Variants in CTNNA2 observed in about 807,000 individuals in gnomAD.
The protein encoded by CTNNA2 is catenin alpha 2.
In CTNNA2, 42 loss-of-function variants were observed where a neutral mutation model predicts 101.0. The observed-to-expected ratio is 0.42, with a 90% CI of 0.32 to 0.54. The LOEUF (loss-of-function observed/expected upper bound fraction) is 0.54. CTNNA2 is among the 20% of genes least tolerant of loss of function. The pLI is 0.14. For missense variants in CTNNA2, 871 were observed against 1,223.1 expected (o/e 0.71, Z 4.29); for synonymous variants, 450 against 456.4 (o/e 0.99, Z 0.18).
intron 1 of CTNNA2, chr2:79,636,949 A>G (rs1050285494): frequency 1.3e-5 from 2 of 152,120 alleles, no homozygotes; most frequent in African/African-American, 4.8e-5. Flanking sequence ...TTTAGTATAT[A>G]AGCTGGGAAA....
At chr2:79,378,566 G>T (rs1678004354) in intron 4 of CTNNA2, among the ~76,000 whole-genome samples, 1 of 152,062 alleles carries the variant, frequency 6.6e-6, no homozygotes, top group Admixed American at 6.6e-5. Context: ...TCCTTCAAAT[G>T]TCATTTGTCG....
intron 4 of CTNNA2, among the ~76,000 whole-genome samples, chr2:79,427,126 G>T (rs1451218447): frequency 6.6e-6 from 1 of 151,932 alleles, no homozygotes; most frequent in Admixed American, 6.6e-5. Context: ...AGGACAGGTT[G>T]CAATAACACC....
At chr2:79,829,103 A>T (rs1007585995) in intron 3 of CTNNA2, among the ~76,000 whole-genome samples, 9 of 152,152 alleles carry the variant, frequency 5.9e-5, no homozygotes, top group African/African-American at 2.2e-4. Context: ...AACAGTTGAG[A>T]TCTGACCACT....
At chr2:80,216,042 G>T (rs1708245777) in intron 7 of CTNNA2, among the ~76,000 whole-genome samples, 1 of 152,180 alleles carries the variant, frequency 6.6e-6, no homozygotes, top group Admixed American at 6.5e-5. Context: ...AGGCTCCATG[G>T]GCATGGGACC....
chr2:79,550,776 A>G (rs1274702209), intron 1 of CTNNA2, among the ~76,000 whole-genome samples: 1 of 152,188 alleles, frequency 6.6e-6, no homozygotes, highest in African/African-American at 2.4e-5. Flanking sequence ...TTTAGACCTT[A>G]CAACGTGAAT....
At chr2:79,244,858 G>A (rs1674679327) in intron 2 of CTNNA2, among the ~76,000 whole-genome samples, 2 of 152,204 alleles carry the variant, frequency 1.3e-5, no homozygotes, top group African/African-American at 4.8e-5. Context: ...ACTTTGGGAG[G>A]CTGAGGCGGG....
Position 79,345,770 on chromosome 2 carries a change from GCAAC to G in CTNNA2, c.-317-28059_-317-28056del, listed in dbSNP as rs1469759004. 2.6e-5 allele frequency among the ~76,000 whole-genome samples: 4 copies of G among 152,072 alleles called. No individual in the cohort carries two copies. The East Asian group carries it at 7.7e-4, about 29-fold the overall frequency. ...TGTAGTGGCACAGTTTCGACTCACT[GCAAC>G]CTCCGCCTCCAAGGTTCAAGCAATT... On this transcript the variant is annotated intron_variant, in intron 3 of 21. Coordinates refer to the CTNNA2 transcript ENST00000466387.
intron 6 of CTNNA2, among the ~76,000 whole-genome samples, chr2:79,896,028 A>G (rs1447271600): frequency 1.3e-5 from 2 of 152,026 alleles, no homozygotes; most frequent in Non-Finnish European, 2.9e-5. Context: ...CATGCCCATA[A>G]TCCCAGCACT....
intron 4 of CTNNA2, among the ~76,000 whole-genome samples, chr2:79,412,105 A>G (rs1678419869): frequency 2.0e-5 from 3 of 152,126 alleles, no homozygotes; most frequent in Admixed American, 2.0e-4. Flanking sequence ...CTAGTCTCTG[A>G]TAAAACAGAC....
At chr2:79,668,818 C>A (rs1446760124) in intron 2 of CTNNA2, among the ~76,000 whole-genome samples, 2 of 152,194 alleles carry the variant, frequency 1.3e-5, no homozygotes, top group African/African-American at 4.8e-5. Flanking sequence ...AGCTTGGTTG[C>A]TATGCTGTTC....
At chr2:79,661,749 T>C (rs377175037) in intron 2 of CTNNA2, among the ~76,000 whole-genome samples, 1 of 152,216 alleles carries the variant, frequency 6.6e-6, no homozygotes, top group East Asian at 1.9e-4. Context: ...AGGGGAAAGG[T>C]GCTAATGTTT....
At chr2:80,538,047 C>T (rs564673845) in intron 9 of CTNNA2, among the ~76,000 whole-genome samples, 4 of 152,270 alleles carry the variant, frequency 2.6e-5, no homozygotes, top group African/African-American at 9.6e-5. Context: ...AGTCTCTGTT[C>T]ATATCCCTTG....
At position 79,572,360 on chromosome 2, in the gene CTNNA2, G is replaced by A. The variant is rs190415258; in HGVS notation, c.-6+59153G>A. Among the ~76,000 whole-genome samples, 5 of 152,260 alleles carry A rather than the reference G, an allele frequency of 3.3e-5. No individual in the cohort carries two copies. The East Asian group carries it at 9.7e-4, about 29-fold the overall frequency. On this transcript the variant is annotated intron_variant, in intron 1 of 18. Coordinates refer to ENST00000402739, the MANE Select transcript of CTNNA2 (RefSeq NM_001282597.3). ...AAGCTGAAAATGTTTGAAAACTATA[G>A]ATGTGGAGGAGAAGAACCTGGACTT...
At chr2:80,115,549 TA>T (rs1242257244) in intron 7 of CTNNA2, among the ~76,000 whole-genome samples, 1 of 152,096 alleles carries the variant, frequency 6.6e-6, no homozygotes, top group African/African-American at 2.4e-5. Context: ...ATTGTGCCAG[TA>T]AAAGCAAGTT....
intron 1 of CTNNA2, among the ~76,000 whole-genome samples, chr2:79,537,425 C>T (rs182650307): frequency 8.7e-4 from 132 of 152,210 alleles, no homozygotes; most frequent in African/African-American, 3.1e-3. Context: ...TTCTTTTATC[C>T]CTTTGTTCTT....
intron 7 of CTNNA2, among the ~76,000 whole-genome samples, chr2:80,175,812 C>T (rs1366769294): frequency 1.3e-5 from 2 of 152,188 alleles, no homozygotes; most frequent in African/African-American, 2.4e-5. Flanking sequence ...CCAAGAGCCT[C>T]GGCAAGCCAC....
intron 4 of CTNNA2, among the ~76,000 whole-genome samples, chr2:79,416,183 A>C (rs1330803773): frequency 6.6e-6 from 1 of 150,860 alleles, no homozygotes; most frequent in African/African-American, 2.4e-5. Context: ...ACACTTTCCA[A>C]GTCATCTTCT....
rs1025789026 is a variant in CTNNA2 at position 80,619,022 on chromosome 2, C to T, written c.2431-63C>T. On this transcript the variant is annotated intron_variant, in intron 17 of 18. Transcript: ENST00000402739. ...CCCTAATCCCTTCCCAAGTAGGGTA[C>T]TTTTTTTTTTTTTCTTTTGCTCTCT... 9.2e-5 allele frequency: 82 copies of T among 889,254 alleles called. 1 individual carries two copies. The African/African-American group carries it at 1.2e-3, about 13-fold the overall frequency. 55.1% of individuals were successfully genotyped at this position (889,254 alleles called of 1,614,324 possible).
chr2:80,147,640 T>C (rs116410875), intron 7 of CTNNA2, among the ~76,000 whole-genome samples: 1,681 of 152,268 alleles, frequency 0.011, 36 homozygotes, highest in African/African-American at 0.036. Context: ...TGTATATGCT[T>C]TTCTTATATG....
Sources: gnomAD v4.1 joint callset for allele counts (sites outside exome capture counted in the v4.1 genomes callset) on GRCh38, gnomAD v4.1.1 for gene constraint, MANE v1.5 for transcripts, NCBI Gene and HGNC (gene_info 2026-07-23, HGNC 2026-07-21) for gene names.